The following PTPRD variants were observed in gnomAD, a reference collection of about 807,000 sequenced individuals.
The protein encoded by PTPRD is receptor-type tyrosine-protein phosphatase delta.
PTPRD carries 34 observed loss-of-function variants against 214.5 expected under a neutral mutation model. The observed-to-expected ratio is 0.16, with a 90% CI of 0.12 to 0.21. The LOEUF (loss-of-function observed/expected upper bound fraction) is 0.21, where lower values mean the gene tolerates loss of function less well. Among genes scored for constraint, PTPRD ranks in the 10% least tolerant of loss-of-function variants. The pLI, the probability that PTPRD is intolerant of heterozygous loss-of-function variation, is 1.00. For missense variants in PTPRD, 2,545 were observed against 2,398.7 expected, an observed-to-expected ratio of 1.06 and a Z score of -1.27; for synonymous variants, 1,128 against 845.7, an observed-to-expected ratio of 1.33 and a Z score of -5.79.
chr9:8,413,323 T>G (rs2093670053), intron 35 of PTPRD, among the ~76,000 whole-genome samples: 1 of 152,174 alleles, frequency 6.6e-6, no homozygotes, highest in African/African-American at 2.4e-5. Flanking sequence ...GAAACATAAA[T>G]TAACTTTTGT....
chr9:10,066,912 C>T (rs1380427584), intron 3 of PTPRD, among the ~76,000 whole-genome samples: 1 of 151,564 alleles, frequency 6.6e-6, no homozygotes, highest in African/African-American at 2.4e-5. Flanking sequence ...TTACAGAAAT[C>T]TCACTCCTTG....
intron 7 of PTPRD, among the ~76,000 whole-genome samples, chr9:9,662,687 A>G (rs181026125): frequency 3.2e-4 from 48 of 151,748 alleles, no homozygotes; most frequent in African/African-American, 1.2e-3. Flanking sequence ...AAGACAAAGT[A>G]ATATTTCTAA....
chr9:8,539,432 G>A lies in PTPRD; in HGVS notation c.353-10653C>T, dbSNP rs963106801. 1.2e-4 allele frequency among the ~76,000 whole-genome samples: 18 copies of A among 151,694 alleles called. 1 individual carries two copies. The highest frequency in any genetic ancestry group is 3.4e-4 in the African/African-American group (14 of 41,418). ...CATGATTTTGCTGTATTCTAAGCAC[G>A]GTAGTAGTCCTAAAAATACCATTAA... On this transcript the variant is annotated intron_variant, in intron 14 of 45. Transcript: ENST00000381196.
chr9:10,362,711 C>T (rs1321413524), intron 2 of PTPRD, among the ~76,000 whole-genome samples: 1 of 152,018 alleles, frequency 6.6e-6, no homozygotes, highest in Admixed American at 6.6e-5. Flanking sequence ...GAAACCCCGT[C>T]TCTATTAAAA....
intron 2 of PTPRD, among the ~76,000 whole-genome samples, chr9:10,422,043 C>G (rs2098550461): frequency 6.6e-6 from 1 of 151,908 alleles, no homozygotes; most frequent in Admixed American, 6.6e-5. Flanking sequence ...CAACATCACG[C>G]TACCTGACTT....
intron 5 of PTPRD, among the ~76,000 whole-genome samples, chr9:9,803,072 G>A (rs528578668): frequency 8.6e-5 from 13 of 151,672 alleles, no homozygotes; most frequent in Middle Eastern, 3.4e-3. Context: ...TATGCATATC[G>A]GTTTATTGTA....
At chr9:8,649,702 G>A (rs2096766868) in intron 12 of PTPRD, among the ~76,000 whole-genome samples, 1 of 152,150 alleles carries the variant, frequency 6.6e-6, no homozygotes. Context: ...ACAATGGAAA[G>A]TGATTTGCCT....
intron 35 of PTPRD, among the ~76,000 whole-genome samples, chr9:8,408,590 T>C (rs979930321): frequency 6.6e-6 from 1 of 152,184 alleles, no homozygotes; most frequent in Non-Finnish European, 1.5e-5. Flanking sequence ...ACGAAATACA[T>C]AAATTATCAC....
chr9:8,375,577 C>G (rs144472345), intron 39 of PTPRD, among the ~76,000 whole-genome samples: 2,060 of 152,052 alleles, frequency 0.014, 25 homozygotes, highest in Middle Eastern at 0.031. Flanking sequence ...TTGTATCAGT[C>G]CAGCCCACAA....
intron 3 of PTPRD, among the ~76,000 whole-genome samples, chr9:10,066,211 G>GTTATGAATAAACAATAAACAAGTTTATCA (rs2097881278): frequency 6.6e-6 from 1 of 151,162 alleles, no homozygotes; most frequent in African/African-American, 2.4e-5. Flanking sequence ...TATGTTTATT[G>GTTATGAATAAACAATAAACAAGTTTATCA]TTATGAATAA....
chr9:9,418,587 G>A (rs986618706), intron 8 of PTPRD, among the ~76,000 whole-genome samples: 2 of 151,890 alleles, frequency 1.3e-5, no homozygotes, highest in African/African-American at 4.8e-5. Flanking sequence ...CTGTAAAATG[G>A]CCATGCTATT....
intron 5 of PTPRD, among the ~76,000 whole-genome samples, chr9:9,905,843 T>C (rs951220112): frequency 5.3e-5 from 8 of 151,902 alleles, no homozygotes; most frequent in Non-Finnish European, 1.0e-4. Flanking sequence ...AAACAGAACA[T>C]AGGGGCCTAA....
chr9:9,689,216 C>T (rs1453914462), intron 7 of PTPRD, among the ~76,000 whole-genome samples: 4 of 151,764 alleles, frequency 2.6e-5, no homozygotes, highest in Admixed American at 6.6e-5. Context: ...TTACTTTCCT[C>T]ATTTGTAAAA....
In PTPRD at chr9:10,119,230, A is replaced by ATAAGG. The variant is rs556394709; in HGVS notation, c.-544-85441_-544-85440insCCTTA. ...TTTTTAACTATTACAATCAAACCCA[A>ATAAGG]CAATAATCCTATAAGGCAGAGATTA... On this transcript the variant is annotated intron_variant, in intron 3 of 45. Coordinates refer to ENST00000381196, the MANE Select transcript of PTPRD (RefSeq NM_002839.4). Among the ~76,000 whole-genome samples, 118 of 152,102 alleles carry ATAAGG rather than the reference A, an allele frequency of 7.8e-4. 3 individuals carry two copies. In the South Asian group the frequency reaches 0.023, roughly 29 times the overall value.
At chr9:8,562,700 G>C (rs999965884) in intron 14 of PTPRD, among the ~76,000 whole-genome samples, 2 of 152,114 alleles carry the variant, frequency 1.3e-5, no homozygotes, top group African/African-American at 2.4e-5. Context: ...GCCTCCTAAA[G>C]TGCCAGGATT....
At chr9:10,365,206 T>A (rs535765268) in intron 2 of PTPRD, among the ~76,000 whole-genome samples, 29 of 152,266 alleles carry the variant, frequency 1.9e-4, no homozygotes, top group African/African-American at 6.0e-4. Context: ...CAGACAGGCT[T>A]TTTAAAACCA....
intron 7 of PTPRD, among the ~76,000 whole-genome samples, chr9:9,595,509 T>C (rs2093260005): frequency 6.7e-6 from 1 of 148,800 alleles, no homozygotes; most frequent in Non-Finnish European, 1.5e-5. Flanking sequence ...CATGTACACA[T>C]ATGCATACAT....
intron 3 of PTPRD, among the ~76,000 whole-genome samples, chr9:10,183,539 G>C (rs1289683737): frequency 6.6e-6 from 1 of 152,118 alleles, no homozygotes; most frequent in Admixed American, 6.5e-5. Context: ...AAAAGAGACA[G>C]AGAGAATATG....
chr9:8,936,125 T>A (rs987006522), intron 11 of PTPRD: 1 of 152,064 alleles, frequency 6.6e-6, no homozygotes, highest in African/African-American at 2.4e-5. Flanking sequence ...AAAGAGAACT[T>A]CAGGTCCAGG....
Sources: gnomAD v4.1 joint callset for allele counts (sites outside exome capture counted in the v4.1 genomes callset) on GRCh38, gnomAD v4.1.1 for gene constraint, MANE v1.5 for transcripts, NCBI Gene and HGNC (gene_info 2026-07-23, HGNC 2026-07-21) for gene names.